DENND1A: variants seen among roughly 807,000 people sequenced by gnomAD.
The protein encoded by DENND1A is DENN domain containing 1A.
DENND1A carries 51 observed loss-of-function variants against 113.7 expected under a neutral mutation model. That is an observed-to-expected ratio of 0.45 (90% CI 0.36 to 0.57). The LOEUF is 0.57. DENND1A is among the 20% of genes least tolerant of loss of function. The probability of loss-of-function intolerance (pLI) is 0.00; values close to 1 mark genes in which losing one functional copy is unlikely to be tolerated. For missense variants in DENND1A, 1,258 were observed against 1,395.9 expected (o/e 0.90, Z 1.57); for synonymous variants, 565 against 570.8 (o/e 0.99, Z 0.14).
chr9:123,409,015 G>C (rs933087932), intron 20 of DENND1A, among the ~76,000 whole-genome samples: 1 of 152,202 alleles, frequency 6.6e-6, no homozygotes, highest in Admixed American at 6.5e-5. Context: ...AGAGACAGTG[G>C]AGAGAGGCAA....
intron 3 of DENND1A, among the ~76,000 whole-genome samples, chr9:123,779,863 T>C (rs188091993): frequency 2.6e-3 from 387 of 147,524 alleles, no homozygotes; most frequent in African/African-American, 0.01. Flanking sequence ...ACATTCCACT[T>C]GCATGAGACT....
intron 19 of DENND1A, chr9:123,413,448 G>C: frequency 1.0e-6 from 1 of 985,430 alleles, no homozygotes; most frequent in Non-Finnish European, 1.2e-6. Context: ...GAGTGGGAGT[G>C]ACACTTCAGA....
At chr9:123,512,602 C>A (rs1396934931) in intron 13 of DENND1A, among the ~76,000 whole-genome samples, 2 of 152,244 alleles carry the variant, frequency 1.3e-5, no homozygotes, top group Non-Finnish European at 2.9e-5. Context: ...CCAGCACTGA[C>A]AGAGCGTCAC....
intron 9 of DENND1A, among the ~76,000 whole-genome samples, chr9:123,633,922 A>G (rs952707961): frequency 6.6e-6 from 1 of 152,232 alleles, no homozygotes; most frequent in Non-Finnish European, 1.5e-5. Context: ...TCCACAACAT[A>G]TAAATAAATA....
chr9:123,742,959 T>C (rs1198787432), intron 5 of DENND1A, among the ~76,000 whole-genome samples: 1 of 152,176 alleles, frequency 6.6e-6, no homozygotes. Context: ...TTTAACACAG[T>C]CATTTCTCCC....
chr9:123,634,192 C>T (rs1018076104), intron 9 of DENND1A, among the ~76,000 whole-genome samples: 2 of 152,096 alleles, frequency 1.3e-5, no homozygotes, highest in African/African-American at 4.8e-5. Flanking sequence ...AACCTCAATG[C>T]CAAGATTTTA....
chr9:123,429,948 T>C (rs1305066617), intron 19 of DENND1A, among the ~76,000 whole-genome samples: 2 of 152,094 alleles, frequency 1.3e-5, no homozygotes, highest in Non-Finnish European at 2.9e-5. Context: ...AATCGATCCA[T>C]TGACAAAGGC....
chr9:123,857,034 A>T (rs1470896399), intron 2 of DENND1A, among the ~76,000 whole-genome samples: 3 of 151,998 alleles, frequency 2.0e-5, no homozygotes, highest in African/African-American at 7.3e-5. Flanking sequence ...ATACATATAG[A>T]TGTACTCTCT....
intron 10 of DENND1A, among the ~76,000 whole-genome samples, chr9:123,623,791 GA>G (rs2061066210): frequency 6.6e-6 from 1 of 152,214 alleles, no homozygotes; most frequent in East Asian, 1.9e-4. Flanking sequence ...CTGGTCCACA[GA>G]AAGCTGCAAT....
intron 21 of DENND1A, chr9:123,399,983 T>G (rs561041264): frequency 3.9e-5 from 6 of 152,376 alleles, no homozygotes; most frequent in African/African-American, 1.4e-4. Flanking sequence ...CCCTGCTGAC[T>G]GGTGTCTGAC....
intron 13 of DENND1A, among the ~76,000 whole-genome samples, chr9:123,503,295 C>T (rs1198060455): frequency 1.3e-5 from 2 of 152,168 alleles, no homozygotes; most frequent in Non-Finnish European, 2.9e-5. Context: ...GGAACAACAG[C>T]AATATCTTTT....
intron 9 of DENND1A, among the ~76,000 whole-genome samples, chr9:123,635,470 A>T (rs1459564474): frequency 1.3e-5 from 2 of 152,224 alleles, no homozygotes; most frequent in African/African-American, 4.8e-5. Context: ...ATAAACTCAA[A>T]AAGTATTCGA....
At chr9:123,692,546 C>A (rs1483091803) in intron 5 of DENND1A, among the ~76,000 whole-genome samples, 1 of 152,174 alleles carries the variant, frequency 6.6e-6, no homozygotes, top group African/African-American at 2.4e-5. Flanking sequence ...TGACTCTTTC[C>A]GAGCTAACAC....
At chr9:123,852,793 C>T (rs577023895) in intron 2 of DENND1A, among the ~76,000 whole-genome samples, 2 of 152,312 alleles carry the variant, frequency 1.3e-5, no homozygotes, top group African/African-American at 2.4e-5. Context: ...TATAAACCTG[C>T]ATTTTAATAG....
At chr9:123,393,538 T>TAAAA (rs556159877) in intron 21 of DENND1A, among the ~76,000 whole-genome samples, 1 of 131,712 alleles carries the variant, frequency 7.6e-6, no homozygotes, top group South Asian at 2.4e-4. Context: ...CTTAAAAAAA[T>TAAAA]AAAAAAAAAA....
At chr9:123,497,358 G>C (rs73577303) in intron 13 of DENND1A, among the ~76,000 whole-genome samples, 4,859 of 152,226 alleles carry the variant, frequency 0.032, 269 homozygotes, top group African/African-American at 0.11. Context: ...TTGTCACCCA[G>C]GCTGCTGGAG....
At chr9:123,568,560 G>A (rs1022925447) in intron 12 of DENND1A, among the ~76,000 whole-genome samples, 4 of 152,178 alleles carry the variant, frequency 2.6e-5, no homozygotes, top group African/African-American at 9.7e-5. Flanking sequence ...TCATTATGCT[G>A]AGCCTAGTGG....
chr9:123,392,244 C>T (rs2066434), intron 21 of DENND1A, among the ~76,000 whole-genome samples: 79,530 of 151,900 alleles, frequency 0.52, 21,797 homozygotes, highest in Non-Finnish European at 0.63. Context: ...GAGTTTTTTT[C>T]ATGTGTCACA....
At chr9:123,501,394 T>C (rs1454963557) in intron 13 of DENND1A, among the ~76,000 whole-genome samples, 1 of 152,216 alleles carries the variant, frequency 6.6e-6, no homozygotes, top group African/African-American at 2.4e-5. Flanking sequence ...ATAGTGCTGC[T>C]CTGAACATGG....
Sources: gnomAD v4.1 joint callset for allele counts (sites outside exome capture counted in the v4.1 genomes callset) on GRCh38, gnomAD v4.1.1 for gene constraint, MANE v1.5 for transcripts, NCBI Gene and HGNC (gene_info 2026-07-23, HGNC 2026-07-21) for gene names.